Variants in ERV3-1 observed in about 807,000 individuals in gnomAD.
ERV3-1 encodes the protein endogenous retrovirus group 3 member 1 Env polyprotein.
A neutral mutation model predicts 24.6 loss-of-function variants in ERV3-1; 36 were observed. The observed-to-expected ratio is 1.47, with a 90% CI of 1.12 to 1.94. ERV3-1 has a LOEUF of 1.94. ERV3-1 is among the 30% of genes most tolerant of loss of function. The pLI is 0.00. For synonymous variants in ERV3-1, 211 were observed against 122.6 expected (o/e 1.72, Z -4.76); for missense variants, 578 against 330.9 (o/e 1.75, Z -5.79).
At chr7:64,997,281 T>C (rs150257249) in intron 1 of ERV3-1, among the ~76,000 whole-genome samples, 20 of 152,332 alleles carry the variant, frequency 1.3e-4, no homozygotes, top group African/African-American at 4.8e-4. Context: ...TGGCCACTTC[T>C]AAAAGCTGAG....
At chr7:64,994,639 A>G (rs1320045542) in intron 1 of ERV3-1, among the ~76,000 whole-genome samples, 1 of 152,230 alleles carries the variant, frequency 6.6e-6, no homozygotes, top group East Asian at 1.9e-4. Context: ...ACAGCATCTA[A>G]GAGCTGTAGA....
In ERV3-1 at chr7:64,990,583, C is replaced by G. The variant is rs1353166599; in HGVS notation, c.*629G>C. 6.6e-6 allele frequency: 1 copy of G among 152,254 alleles called. No individual in the cohort carries two copies. The highest frequency in any genetic ancestry group is 1.9e-4 in the East Asian group (1 of 5,196). 9.4% of individuals were successfully genotyped at this position (152,254 alleles called of 1,614,324 possible). ...TTTACAACAGGATTTGCAACATGAG[C>G]CTACCTTACTTAAACATGTCTTGTG... On this transcript the variant is annotated 3_prime_UTR_variant, in exon 2 of 2. Coordinates refer to ENST00000394323, the MANE Select transcript of ERV3-1 (RefSeq NM_001007253.4).
intron 1 of ERV3-1, among the ~76,000 whole-genome samples, chr7:65,000,837 T>A (rs1474180739): frequency 6.6e-6 from 1 of 152,012 alleles, no homozygotes; most frequent in East Asian, 1.9e-4. Context: ...ATATGGTACA[T>A]AAATACAATG....
At chr7:64,996,499 GTA>G (rs1219102128) in intron 1 of ERV3-1, among the ~76,000 whole-genome samples, 1 of 152,174 alleles carries the variant, frequency 6.6e-6, no homozygotes, top group Non-Finnish European at 1.5e-5. Flanking sequence ...TGTACTTCAT[GTA>G]TAGTCTCCAT....
At position 64,992,571 on chromosome 7, in the gene ERV3-1, T is replaced by A. The variant is rs1052737443; in HGVS notation, c.456A>T (p.Ala152=). The A allele has an allele frequency of 2.6e-5, 20 of 766,282 alleles. No homozygotes were observed. Among genetic ancestry groups the A allele is most frequent in the Non-Finnish European group, 4.5e-5 (19 of 417,920 alleles). The allele number at this position is 766,282 out of a possible 1,614,324, so 47.5% of individuals were successfully genotyped here. A position where few individuals can be genotyped will look rare whatever the true frequency, so the allele number is the denominator to read the frequency against. ...YYSSCHKNRY[A]HPACSTDSPV... ...GGGAATCGGTGGAACAAGCAGGGTG[T>A]GCATACCTATTTTTATGGCAGCTAC... The change falls in exon 2 of 2, where the codon GCA becomes GCT. Residue 152 remains alanine, a synonymous_variant. Transcript: ENST00000394323.
Position 65,006,523 on chromosome 7 carries a change from C to T in ERV3-1, c.-389+18G>A. On this transcript the variant is annotated intron_variant, in intron 1 of 1. Coordinates refer to ENST00000394323, the MANE Select transcript of ERV3-1 (RefSeq NM_001007253.4). ...AGCCCCGCCCCCTCTCTCGGGATGT[C>T]GGACCCGGCACTCTCACCATTTCTA... 6.4e-7 allele frequency: 1 copy of T among 1,573,724 alleles called. No individual in the cohort carries two copies. Among genetic ancestry groups the T allele is most frequent in the Non-Finnish European group, 8.7e-7 (1 of 1,144,930 alleles).
chr7:64,995,806 G>A (rs1786395615), intron 1 of ERV3-1, among the ~76,000 whole-genome samples: 1 of 152,242 alleles, frequency 6.6e-6, no homozygotes, highest in Non-Finnish European at 1.5e-5. Context: ...CAGTCCTCTT[G>A]GGTTGGGGCT....
chr7:64,992,784 A>G lies in ERV3-1; in HGVS notation c.243T>C (p.Cys81=), dbSNP rs766960966. Residue 81 remains cysteine (C), a synonymous_variant, in exon 2 of 2, where the codon TGT becomes TGC. Coordinates refer to ENST00000394323, the MANE Select transcript of ERV3-1 (RefSeq NM_001007253.4). ...CDPGRGQPYV[C]YDPKSSPGTW... The stretch of plus-strand genomic sequence containing the variant: ...TCCCAGGTGAAGACTTAGGGTCATA[A>G]CACACATAAGGCTGGCCCCTTCCTG... 2 of 766,308 alleles carry G rather than the reference A, an allele frequency of 2.6e-6. No individual in the cohort carries two copies. Among genetic ancestry groups the G allele is most frequent in the South Asian group, 1.3e-5 (1 of 74,618 alleles). 47.5% of individuals were successfully genotyped at this position (766,308 alleles called of 1,614,324 possible).
In ERV3-1 at chr7:64,992,372, G is replaced by A; in HGVS notation, c.655C>T (p.Pro219Ser). ...TCACCGCTGACTCGTGCCCCTAGCG[G>A]TGCTTTTAAACCTGTTGTCCATATG... Reference protein sequence around the residue: ...QPIWTTGLKAPLGARVSGEEI... With the variant: ...QPIWTTGLKASLGARVSGEEI... Residue 219 changes from proline to serine, a missense_variant, in exon 2 of 2, where the codon CCG (proline) becomes TCG (serine). By Grantham distance (74) the Pro-to-Ser change is moderately conservative. Transcript: ENST00000394323. 1.3e-6 allele frequency: 1 copy of A among 766,380 alleles called. No individual in the cohort carries two copies. The highest frequency in any genetic ancestry group is 2.4e-6 in the Non-Finnish European group (1 of 417,914). The allele number at this position is 766,380 out of a possible 1,614,324, so 47.5% of individuals were successfully genotyped here. A position where few individuals can be genotyped will look rare whatever the true frequency, so the allele number is the denominator to read the frequency against.
chr7:65,006,299 G>A, intron 1 of ERV3-1: 1 of 619,434 alleles, frequency 1.6e-6, no homozygotes, highest in Admixed American at 3.0e-5. Flanking sequence ...TGCCCACAGA[G>A]GACTCCAGAA....
intron 1 of ERV3-1, among the ~76,000 whole-genome samples, chr7:64,995,578 AC>A (rs1786390038): frequency 6.6e-6 from 1 of 152,134 alleles, no homozygotes; most frequent in African/African-American, 2.4e-5. Flanking sequence ...ATATGGCAGA[AC>A]CCTGCTGCCC....
Position 64,992,975 on chromosome 7 carries a change from A to G in ERV3-1, c.52T>C (p.Ser18Pro), listed in dbSNP as rs1391140136. 1.3e-6 allele frequency: 1 copy of G among 766,136 alleles called. No homozygotes were observed. The highest frequency in any genetic ancestry group is 2.4e-6 in the Non-Finnish European group (1 of 417,700). The allele number at this position is 766,136 out of a possible 1,614,324, so 47.5% of individuals were successfully genotyped here. A position where few individuals can be genotyped will look rare whatever the true frequency, so the allele number is the denominator to read the frequency against. Reference protein sequence around the residue: ...LITLFLLLPLSMLKGEPWEGC... With the variant: ...LITLFLLLPLPMLKGEPWEGC... Reference sequence around the variant, plus strand: ...TCCCAGGGTTCTCCTTTTAACATGGATAAGGGGAGTAGCAAGAACAAAGTG... The same window carrying G: ...TCCCAGGGTTCTCCTTTTAACATGGGTAAGGGGAGTAGCAAGAACAAAGTG... The change falls in exon 2 of 2, where the codon TCC becomes CCC. Residue 18 changes from serine (S) to proline (P), a missense_variant. By Grantham distance (74) the Ser-to-Pro change is moderately conservative (BLOSUM62 -1). Transcript: ENST00000394323.
chr7:64,991,416 G>A lies in ERV3-1; in HGVS notation c.1611C>T (p.Ala537=), dbSNP rs1786261934. ...NETAGALNLL[A]QQATKMRNVI... The stretch of plus-strand genomic sequence containing the variant: ...CATTTCTCATTTTTGTGGCTTGCTG[G>A]GCAAGCAGATTCAAGGCCCCTGCAG... The change falls in exon 2 of 2, where the codon GCC becomes GCT. Residue 537 remains alanine, a synonymous_variant. Coordinates refer to ENST00000394323, the MANE Select transcript of ERV3-1 (RefSeq NM_001007253.4). 1.4e-6 allele frequency: 1 copy of A among 703,886 alleles called. No individual in the cohort carries two copies. Among genetic ancestry groups the A allele is most frequent in the Admixed American group, 2.0e-5 (1 of 49,984 alleles). 43.6% of individuals were successfully genotyped at this position (703,886 alleles called of 1,614,324 possible).
At chr7:64,996,186 G>C (rs1305881460) in intron 1 of ERV3-1, among the ~76,000 whole-genome samples, 3 of 152,206 alleles carry the variant, frequency 2.0e-5, no homozygotes, top group Non-Finnish European at 4.4e-5. Context: ...ATACTCATCA[G>C]ATCCTGGTCC....
Position 64,992,932 on chromosome 7 carries a change from G to A in ERV3-1, c.95C>T (p.Thr32Ile), listed in dbSNP as rs1786314510. ...GEPWEGCLHC[T>I]HTTWSGNIMT... ...GATGTTCCCCGACCACGTAGTGTGG[G>A]TGCAGTGGAGGCATCCCTCCCAGGG... The change falls in exon 2 of 2, where the codon ACC (threonine) becomes ATC (isoleucine). Residue 32 changes from threonine to isoleucine, a missense_variant. By Grantham distance (89) the Thr-to-Ile change is moderately conservative. Coordinates refer to ENST00000394323, the MANE Select transcript of ERV3-1 (RefSeq NM_001007253.4). 1.3e-6 allele frequency: 1 copy of A among 766,450 alleles called. No homozygotes were observed. The highest frequency in any genetic ancestry group is 1.7e-5 in the Admixed American group (1 of 59,042). The allele number at this position is 766,450 out of a possible 1,614,324, so 47.5% of individuals were successfully genotyped here. A position where few individuals can be genotyped will look rare whatever the true frequency, so the allele number is the denominator to read the frequency against.
In ERV3-1 at chr7:65,006,568, C is replaced by A. The variant is rs188899826; in HGVS notation, c.-416G>T. Reference sequence around the variant, plus strand: ...TTTCTAGGCTTCCAGTGGGTCCTGGCGTCTTAGCTGTGGATCTCCCAATAC... The same window carrying A: ...TTTCTAGGCTTCCAGTGGGTCCTGGAGTCTTAGCTGTGGATCTCCCAATAC... On this transcript the variant is annotated 5_prime_UTR_variant, in exon 1 of 2. Transcript: ENST00000394323. The A allele has an allele frequency of 3.1e-4, 495 of 1,575,444 alleles. 2 individuals are homozygous for A. In the African/African-American group the frequency reaches 5.9e-3, roughly 19 times the overall value.
chr7:64,995,251 G>T (rs145000304), intron 1 of ERV3-1, among the ~76,000 whole-genome samples: 1 of 152,194 alleles, frequency 6.6e-6, no homozygotes, highest in Non-Finnish European at 1.5e-5. Flanking sequence ...CAATAGGGTG[G>T]TAGTGGCTAG....
chr7:65,000,199 C>A (rs1303611362), intron 1 of ERV3-1, among the ~76,000 whole-genome samples: 2 of 152,054 alleles, frequency 1.3e-5, no homozygotes, highest in African/African-American at 4.8e-5. Context: ...GGCACGGTGG[C>A]TCATGCCTGT....
rs764565134 is a variant in ERV3-1, at chr7:64,991,847, G to T, written c.1180C>A (p.Arg394Ser). ...CAAGAATGGTTTAAAGATGGGAAAC[G>T]AGAGAATGGGCTTGGGTGTGGTGAT... ...SESPHPSPFS[R>S]FPSLNHSWYQ... Residue 394 changes from arginine to serine, a missense_variant, in exon 2 of 2, where the codon CGT (arginine) becomes AGT (serine). Coordinates refer to ENST00000394323, the MANE Select transcript of ERV3-1 (RefSeq NM_001007253.4). 2 of 766,172 alleles carry T rather than the reference G, an allele frequency of 2.6e-6. No homozygotes were observed. Among genetic ancestry groups the T allele is most frequent in the African/African-American group, 3.4e-5 (2 of 59,116 alleles). 47.5% of individuals were successfully genotyped at this position (766,172 alleles called of 1,614,324 possible). A position where few individuals can be genotyped will look rare whatever the true frequency, so the allele number is the denominator to read the frequency against.
Sources: allele counts gnomAD v4.1 joint callset (sites outside exome capture counted in the v4.1 genomes callset), GRCh38; gene constraint gnomAD v4.1.1; transcripts MANE v1.5; gene names NCBI Gene and HGNC (gene_info 2026-07-23, HGNC 2026-07-21).